Variants in GRIK1 observed in about 807,000 individuals in gnomAD.
GRIK1 encodes glutamate ionotropic receptor kainate type subunit 1.
GRIK1 carries 69 observed loss-of-function variants against 105.7 expected under a neutral mutation model. The ratio of observed to expected loss-of-function variants is 0.65; its 90% confidence interval spans 0.54 to 0.80. The LOEUF is 0.80. GRIK1 is among the 30% of genes least tolerant of loss of function. The pLI is 0.00. For synonymous variants in GRIK1, 438 were observed against 431.3 expected (o/e 1.02, Z -0.19); for missense variants, 1,109 against 1,167.3 (o/e 0.95, Z 0.73).
intron 5 of GRIK1, 147 bp downstream of exon 5, chr21:29,654,663 G>A (rs913266157): frequency 3.3e-6 from 2 of 603,844 alleles, no homozygotes; most frequent in Non-Finnish European, 6.0e-6. Flanking sequence ...CTGCTGCTCA[G>A]CATTGCTGGA....
At chr21:29,725,072 T>A (rs2064421662) in intron 1 of GRIK1, among the ~76,000 whole-genome samples, 1 of 151,434 alleles carries the variant, frequency 6.6e-6, no homozygotes, top group African/African-American at 2.4e-5. Flanking sequence ...TAATTACACC[T>A]TTTCTGAGAG....
chr21:29,792,675 C>T (rs112928294), intron 1 of GRIK1, among the ~76,000 whole-genome samples: 58 of 152,318 alleles, frequency 3.8e-4, no homozygotes, highest in Middle Eastern at 3.4e-3. Flanking sequence ...ATTTCCTTTG[C>T]TTTGCTCAGT....
At chr21:29,572,846 C>T (rs1243384549) in intron 14 of GRIK1, among the ~76,000 whole-genome samples, 1 of 152,120 alleles carries the variant, frequency 6.6e-6, no homozygotes, top group Non-Finnish European at 1.5e-5. Flanking sequence ...TCTCGGCTCA[C>T]TGCAACCTCA....
chr21:29,633,537 A>G (rs905802377), intron 7 of GRIK1, among the ~76,000 whole-genome samples: 7 of 151,348 alleles, frequency 4.6e-5, no homozygotes, highest in African/African-American at 1.7e-4. Flanking sequence ...AAATAAATAA[A>G]TTTCTGTTCT....
In GRIK1 at chr21:29,538,821, C is replaced by T. The variant is rs780739803; in HGVS notation, c.2608-937G>A. 4.6e-5 allele frequency among the ~76,000 whole-genome samples: 7 copies of T among 151,992 alleles called. No homozygotes were observed. The East Asian group carries it at 1.2e-3, about 25-fold the overall frequency. ...TGCAACATGTGTATTTGAAAATGTT[C>T]GTTTTGTTCCAAAAATAACTTGATG... On this transcript the variant is annotated intron_variant, in intron 16 of 17. Transcript: ENST00000327783.
chr21:29,828,461 A>G (rs2067536750), intron 1 of GRIK1, among the ~76,000 whole-genome samples: 1 of 25,616 alleles, frequency 3.9e-5, no homozygotes, highest in African/African-American at 7.9e-5. Flanking sequence ...AAATGCAGGA[A>G]TGGTGAAAGC....
chr21:29,594,438 C>A (rs1167120366), intron 9 of GRIK1, among the ~76,000 whole-genome samples: 2 of 151,914 alleles, frequency 1.3e-5, no homozygotes, highest in African/African-American at 4.9e-5. Context: ...GGAGCGGAAC[C>A]TCAGTTTTCA....
chr21:29,609,619 G>A (rs2061688912), intron 7 of GRIK1, among the ~76,000 whole-genome samples: 1 of 152,110 alleles, frequency 6.6e-6, no homozygotes, highest in Non-Finnish European at 1.5e-5. Context: ...AGAATGAAAG[G>A]TGAAGGAAAG....
At chr21:29,607,708 T>C (rs986993921) in intron 7 of GRIK1, among the ~76,000 whole-genome samples, 5 of 152,178 alleles carry the variant, frequency 3.3e-5, no homozygotes, top group African/African-American at 1.2e-4. Flanking sequence ...CTCTGAATTA[T>C]AGAGTTCTGA....
chr21:29,725,397 C>T (rs1007648060), intron 1 of GRIK1, among the ~76,000 whole-genome samples: 1 of 152,182 alleles, frequency 6.6e-6, no homozygotes, highest in African/African-American at 2.4e-5. Flanking sequence ...TATAAAATCA[C>T]TAGGATGATC....
At chr21:29,764,366 C>T (rs928346144) in intron 1 of GRIK1, among the ~76,000 whole-genome samples, 1 of 152,118 alleles carries the variant, frequency 6.6e-6, no homozygotes, top group Non-Finnish European at 1.5e-5. Flanking sequence ...TTTTGTAGGA[C>T]AGAACCATAC....
chr21:29,620,806 GA>G (rs2061977474), intron 7 of GRIK1, among the ~76,000 whole-genome samples: 2 of 105,244 alleles, frequency 1.9e-5, no homozygotes, highest in Admixed American at 2.1e-4. Flanking sequence ...TATATATATA[GA>G]TATATATATA....
intron 1 of GRIK1, among the ~76,000 whole-genome samples, chr21:29,912,233 G>A (rs759248120): frequency 1.6e-4 from 24 of 152,054 alleles, no homozygotes; most frequent in African/African-American, 1.4e-4. Context: ...AAGGGCTAAG[G>A]TCAGCATGAC....
At chr21:29,571,024 T>C (rs961674053) in intron 14 of GRIK1, among the ~76,000 whole-genome samples, 1 of 152,168 alleles carries the variant, frequency 6.6e-6, no homozygotes, top group African/African-American at 2.4e-5. Context: ...TGCCTCCCCG[T>C]CTCAGTCACG....
intron 1 of GRIK1, among the ~76,000 whole-genome samples, chr21:29,868,647 T>C (rs2068907321): frequency 6.6e-6 from 1 of 152,170 alleles, no homozygotes; most frequent in Non-Finnish European, 1.5e-5. Flanking sequence ...CCCTCCTATC[T>C]CTTTCCTGCC....
chr21:29,839,115 T>A (rs1290363394), intron 1 of GRIK1, among the ~76,000 whole-genome samples: 1 of 152,170 alleles, frequency 6.6e-6, no homozygotes, highest in Non-Finnish European at 1.5e-5. Flanking sequence ...AGTGGTGCGA[T>A]CTTGGCTCAC....
At chr21:29,848,779 A>ATATATATATATATATATATATATATAT in intron 1 of GRIK1, among the ~76,000 whole-genome samples, 2 of 77,880 alleles carry the variant, frequency 2.6e-5, no homozygotes, top group African/African-American at 1.2e-4. Context: ...ATATATATAT[A>ATATATATATATATATATATATATATAT]TTTTTTTTTT....
At chr21:29,780,460 A>G (rs2066063962) in intron 1 of GRIK1, among the ~76,000 whole-genome samples, 1 of 152,232 alleles carries the variant, frequency 6.6e-6, no homozygotes, top group South Asian at 2.1e-4. Context: ...AGTGGGTGCT[A>G]TCACTTGAAT....
intron 3 of GRIK1, among the ~76,000 whole-genome samples, chr21:29,680,413 G>C (rs530442570): frequency 2.8e-4 from 42 of 152,300 alleles, no homozygotes; most frequent in South Asian, 1.9e-3. Context: ...CTCTTCTACT[G>C]TATTGCCTCC....
Sources: gnomAD v4.1 joint callset for allele counts (sites outside exome capture counted in the v4.1 genomes callset) on GRCh38, gnomAD v4.1.1 for gene constraint, MANE v1.5 for transcripts, NCBI Gene and HGNC (gene_info 2026-07-23, HGNC 2026-07-21) for gene names.